The following HPSE2 variants were observed in gnomAD, a reference collection of about 807,000 sequenced individuals.
The protein encoded by HPSE2 is inactive heparanase-2.
In HPSE2, 38 loss-of-function variants were observed where a neutral mutation model predicts 60.5. The observed-to-expected ratio is 0.63, with a 90% CI of 0.48 to 0.82. The LOEUF is 0.82. Ranked by LOEUF, HPSE2 falls within the 40% of genes least tolerant of loss-of-function variation. The probability of loss-of-function intolerance (pLI) is 0.00; values close to 1 mark genes in which losing one functional copy is unlikely to be tolerated. For missense variants in HPSE2, 713 were observed against 740.4 expected (o/e 0.96, Z 0.43); for synonymous variants, 295 against 293.2 (o/e 1.01, Z -0.06).
intron 4 of HPSE2, among the ~76,000 whole-genome samples, chr10:98,731,010 T>C (rs1441941646): frequency 5.3e-5 from 8 of 152,130 alleles, no homozygotes; most frequent in African/African-American, 1.9e-4. Flanking sequence ...AGAGGCTGGG[T>C]GCAGTGGCTC....
At chr10:99,043,625 A>T (rs1311398027) in intron 3 of HPSE2, among the ~76,000 whole-genome samples, 1 of 152,222 alleles carries the variant, frequency 6.6e-6, no homozygotes, top group Non-Finnish European at 1.5e-5. Flanking sequence ...GGAATGCAGT[A>T]AAATGATCCA....
intron 3 of HPSE2, among the ~76,000 whole-genome samples, chr10:99,114,989 G>C (rs1400976076): frequency 1.3e-5 from 2 of 151,256 alleles, no homozygotes; most frequent in Non-Finnish European, 2.9e-5. Context: ...TTGCTTGTTT[G>C]TTTTGTTTTA....
At chr10:98,545,747 C>T (rs1358023810) in intron 9 of HPSE2, among the ~76,000 whole-genome samples, 1 of 151,684 alleles carries the variant, frequency 6.6e-6, no homozygotes, top group Non-Finnish European at 1.5e-5. Flanking sequence ...TGGCACAAGA[C>T]AGGGATGCCC....
chr10:98,790,651 A>G (rs1306414870), intron 3 of HPSE2, among the ~76,000 whole-genome samples: 1 of 152,064 alleles, frequency 6.6e-6, no homozygotes. Flanking sequence ...CACCACAAAA[A>G]AATCATAAGT....
intron 2 of HPSE2, among the ~76,000 whole-genome samples, chr10:99,182,793 G>A (rs537888639): frequency 2.0e-5 from 3 of 152,018 alleles, no homozygotes; most frequent in Admixed American, 1.3e-4. Flanking sequence ...TCAGGAGATC[G>A]AGACCATCCT....
At chr10:99,268,823 A>G in the HPSE2 span, among the ~76,000 whole-genome samples, 1 of 152,170 alleles carries the variant, frequency 6.6e-6, no homozygotes, top group Non-Finnish European at 1.5e-5. Context: ...TAAATGGCCT[A>G]AATGCTCCAC....
At chr10:98,814,858 T>C (rs1327871787) in intron 3 of HPSE2, among the ~76,000 whole-genome samples, 1 of 152,254 alleles carries the variant, frequency 6.6e-6, no homozygotes, top group East Asian at 1.9e-4. Flanking sequence ...AATTTGTTAT[T>C]ACGTTATACA....
intron 3 of HPSE2, among the ~76,000 whole-genome samples, chr10:99,076,258 T>G (rs1353389689): frequency 2.0e-5 from 3 of 152,182 alleles, no homozygotes; most frequent in Non-Finnish European, 2.9e-5. Context: ...TAAAATATCT[T>G]ATAGTTACAA....
intron 3 of HPSE2, among the ~76,000 whole-genome samples, chr10:98,912,089 A>T (rs1953994245): frequency 6.6e-6 from 1 of 152,214 alleles, no homozygotes; most frequent in South Asian, 2.1e-4. Flanking sequence ...CATTGAGGAT[A>T]AGGAGACAGA....
At chr10:98,926,143 T>G (rs1424233307) in intron 3 of HPSE2, among the ~76,000 whole-genome samples, 1 of 152,124 alleles carries the variant, frequency 6.6e-6, no homozygotes, top group Non-Finnish European at 1.5e-5. Context: ...AAAGTGAACC[T>G]CAAAAGGGCA....
intron 11 of HPSE2, among the ~76,000 whole-genome samples, chr10:98,462,160 G>A (rs918915034): frequency 6.6e-6 from 1 of 152,062 alleles, no homozygotes; most frequent in African/African-American, 2.4e-5. Context: ...TGTTTTTGTT[G>A]TTGTTGTTCT....
intron 3 of HPSE2, among the ~76,000 whole-genome samples, chr10:98,940,091 A>G (rs1380020692): frequency 7.0e-6 from 1 of 143,670 alleles, no homozygotes; most frequent in Admixed American, 6.9e-5. Context: ...CAGTGTAAAG[A>G]GGGAAATTTA....
intron 9 of HPSE2, among the ~76,000 whole-genome samples, chr10:98,535,265 T>C (rs1385700784): frequency 6.6e-6 from 1 of 152,164 alleles, no homozygotes; most frequent in Non-Finnish European, 1.5e-5. Context: ...TCTTGGACAA[T>C]TTAGGCTTGA....
chr10:99,018,188 T>C (rs919223911), intron 3 of HPSE2, among the ~76,000 whole-genome samples: 2 of 152,166 alleles, frequency 1.3e-5, no homozygotes, highest in Admixed American at 1.3e-4. Context: ...GCTTAATCAC[T>C]TCCCCACTTT....
intron 3 of HPSE2, among the ~76,000 whole-genome samples, chr10:98,802,898 T>C (rs1368085583): frequency 6.8e-6 from 1 of 147,130 alleles, no homozygotes; most frequent in African/African-American, 2.6e-5. Context: ...ATCGCCACAC[T>C]GACTTCCACA....
Position 98,940,638 on chromosome 10 carries a change from G to A in HPSE2, c.611-196582C>T, listed in dbSNP as rs1449485261. ...TCCAGGACCAGATGGATTCACAGCCGAATTCTACCAGAGGTACAAGGAGGA... is the reference window on the plus strand; with the variant it reads ...TCCAGGACCAGATGGATTCACAGCCAAATTCTACCAGAGGTACAAGGAGGA... On this transcript the variant is annotated intron_variant, in intron 3 of 11. Coordinates refer to ENST00000370552, the MANE Select transcript of HPSE2 (RefSeq NM_021828.5). 4.3e-5 allele frequency among the ~76,000 whole-genome samples: 6 copies of A among 138,610 alleles called. 1 individual carries two copies. The highest frequency in any genetic ancestry group is 2.0e-4 in the East Asian group (1 of 4,940). The allele number at this position is 138,610 out of a possible 152,430, so 90.9% of individuals were successfully genotyped here.
intron 9 of HPSE2, among the ~76,000 whole-genome samples, chr10:98,595,149 G>C (rs1945194865): frequency 6.7e-6 from 1 of 149,066 alleles, no homozygotes; most frequent in African/African-American, 2.5e-5. Context: ...TATTTCTGTA[G>C]CTATTATAAA....
intron 5 of HPSE2, among the ~76,000 whole-genome samples, chr10:98,719,730 A>G (rs76448047): frequency 0.036 from 5,501 of 150,910 alleles, 153 homozygotes; most frequent in Non-Finnish European, 0.061. Context: ...AGAAGAAGAA[A>G]AAAAACTATT....
the HPSE2 span, among the ~76,000 whole-genome samples, chr10:99,274,594 T>C: frequency 2.0e-5 from 3 of 152,180 alleles, no homozygotes; most frequent in Admixed American, 2.0e-4. Flanking sequence ...ATTTAAAGTG[T>C]TAACCATTTA....
Sources: allele counts gnomAD v4.1 joint callset (sites outside exome capture counted in the v4.1 genomes callset), GRCh38; gene constraint gnomAD v4.1.1; transcripts MANE v1.5; gene names NCBI Gene and HGNC (gene_info 2026-07-23, HGNC 2026-07-21).